The following TTC7B variants were observed in gnomAD, a reference collection of about 807,000 sequenced individuals.
The protein encoded by TTC7B is tetratricopeptide repeat domain 7B.
Under a neutral mutation model 106.8 loss-of-function variants are expected in TTC7B, and 28 were observed. That is an observed-to-expected ratio of 0.26 (90% confidence interval 0.19 to 0.36). TTC7B has a LOEUF of 0.36. Among genes scored for constraint, TTC7B ranks in the 10% least tolerant of loss-of-function variants. The pLI, the probability that TTC7B is intolerant of heterozygous loss-of-function variation, is 1.00. For missense variants in TTC7B, 862 were observed against 1,076.4 expected (o/e 0.80, Z 2.79); for synonymous variants, 405 against 430.6 (o/e 0.94, Z 0.74).
intron 8 of TTC7B, among the ~76,000 whole-genome samples, chr14:90,678,684 C>T (rs1036357556): frequency 2.0e-5 from 3 of 152,178 alleles, no homozygotes; most frequent in East Asian, 1.9e-4. Context: ...ATCTGACTGT[C>T]TCAAAGGGAT....
At chr14:90,598,694 A>C (rs1476266267) in intron 17 of TTC7B, among the ~76,000 whole-genome samples, 3 of 152,360 alleles carry the variant, frequency 2.0e-5, no homozygotes, top group South Asian at 4.1e-4. Context: ...CGGCTAGCTC[A>C]TATTGCCTTT....
chr14:90,647,471 A>G (rs1479313702), intron 13 of TTC7B: 2 of 153,922 alleles, frequency 1.3e-5, no homozygotes, highest in Admixed American at 1.3e-4. Flanking sequence ...ATTTCAGAGA[A>G]ACCATATGAA....
At chr14:90,543,795 C>T (rs1321993377) in intron 19 of TTC7B, among the ~76,000 whole-genome samples, 1 of 152,220 alleles carries the variant, frequency 6.6e-6, no homozygotes, top group African/African-American at 2.4e-5. Context: ...GCCTTGCCCT[C>T]GCTTTAGGCA....
chr14:90,794,320 G>A (rs565743554), intron 1 of TTC7B, among the ~76,000 whole-genome samples: 5 of 145,682 alleles, frequency 3.4e-5, no homozygotes, highest in South Asian at 2.2e-4. Context: ...TCCACCTCCC[G>A]GGTTCAAGTG....
intron 6 of TTC7B, among the ~76,000 whole-genome samples, chr14:90,691,431 G>A (rs1302083332): frequency 2.0e-5 from 3 of 152,132 alleles, no homozygotes; most frequent in Admixed American, 6.5e-5. Context: ...ATTTGGTTAT[G>A]TCCACTGAAA....
At position 90,742,013 on chromosome 14, in the gene TTC7B, A is replaced by G. The variant is rs533192988; in HGVS notation, c.576+2779T>C. ...ACGCTGAGATTTAACCTTAGGCTAA[A>G]GAAGCTGCTTCCCAAATGCTACCAA... On this transcript the variant is annotated intron_variant, in intron 4 of 19. Transcript: ENST00000328459. The surrounding 1 kb of genome is among the most constrained non-coding windows in gnomAD (Gnocchi z 4.1). Among the ~76,000 whole-genome samples, 2 of 152,340 alleles carry G rather than the reference A, an allele frequency of 1.3e-5. No homozygotes were observed. The highest frequency in any genetic ancestry group is 1.3e-4 in the Admixed American group (2 of 15,300).
Position 90,549,667 on chromosome 14 carries a change from G to T in TTC7B, c.2311-8078C>A, listed in dbSNP as rs1011892136. ...GGACAGTGGAGTGTGGAGGTTGGGG[G>T]TGTGAGTCCTAGGCTCACCCCAGCA... On this transcript the variant is annotated intron_variant, in intron 19 of 19. Transcript: ENST00000328459. 2.6e-5 allele frequency among the ~76,000 whole-genome samples: 4 copies of T among 152,164 alleles called. No individual in the cohort carries two copies. In the East Asian group the frequency reaches 5.8e-4, roughly 22 times the overall value.
chr14:90,714,308 G>A (rs74244562), intron 5 of TTC7B, among the ~76,000 whole-genome samples: 21,663 of 152,040 alleles, frequency 0.14, 1,678 homozygotes, highest in East Asian at 0.3. Context: ...TAGAAAAGGC[G>A]AATCTATAGA....
intron 2 of TTC7B, 41 bp downstream of exon 2, chr14:90,786,131 CTG>C (rs1170189415): frequency 6.7e-7 from 1 of 1,501,056 alleles, no homozygotes; most frequent in Non-Finnish European, 8.9e-7. Context: ...CAACCCCACA[CTG>C]TCCAAAGGAA....
intron 2 of TTC7B, among the ~76,000 whole-genome samples, chr14:90,783,208 C>G (rs1313002598): frequency 1.3e-5 from 2 of 152,346 alleles, no homozygotes; most frequent in Admixed American, 1.3e-4. Context: ...GCCAGATGTC[C>G]TGACTCCTAG....
rs145625206 is a variant in TTC7B at position 90,744,220 on chromosome 14, G to A, written c.576+572C>T. Reference sequence around the variant, plus strand: ...ACAGGGGTGGCTGGCCAGCTTCAGGGTGCTGAAGGTATGAACAGATGCACA... The same window carrying A: ...ACAGGGGTGGCTGGCCAGCTTCAGGATGCTGAAGGTATGAACAGATGCACA... On this transcript the variant is annotated intron_variant, in intron 4 of 19. Coordinates refer to ENST00000328459, the MANE Select transcript of TTC7B (RefSeq NM_001010854.2). Among the ~76,000 whole-genome samples the A allele has an allele frequency of 1.3e-3, 196 of 152,336 alleles. 2 individuals are homozygous for A. The highest frequency in any genetic ancestry group is 4.3e-3 in the African/African-American group (179 of 41,558).
At position 90,570,237 on chromosome 14, in the gene TTC7B, C is replaced by A. The variant is rs546374195; in HGVS notation, c.2310+7869G>T. Among the ~76,000 whole-genome samples, 1 of 152,310 alleles carries A rather than the reference C, an allele frequency of 6.6e-6. No individual in the cohort carries two copies. Among genetic ancestry groups the A allele is most frequent in the African/African-American group, 2.4e-5 (1 of 41,576 alleles). ...TGTGCTGGAGTGTTCCATTAATCAG[C>A]CTGACCAAGCCTCGTGATCTCATGT... On this transcript the variant is annotated intron_variant, in intron 19 of 19. Transcript: ENST00000328459. The surrounding 1 kb of genome is among the most constrained non-coding windows in gnomAD (Gnocchi z 4.0).
intron 19 of TTC7B, among the ~76,000 whole-genome samples, chr14:90,553,980 T>C (rs1890196546): frequency 6.6e-6 from 1 of 152,234 alleles, no homozygotes; most frequent in African/African-American, 2.4e-5. Flanking sequence ...AGTAATGGGC[T>C]GTCAGGCAGT....
At chr14:90,729,916 A>C (rs1257715233) in intron 5 of TTC7B, among the ~76,000 whole-genome samples, 159 bp downstream of exon 5, 1 of 141,376 alleles carries the variant, frequency 7.1e-6, no homozygotes, top group Non-Finnish European at 1.5e-5. Flanking sequence ...GAGAAGAGAC[A>C]AAAACAGCCA....
Position 90,673,509 on chromosome 14 carries a change from G to T in TTC7B, c.1152+3014C>A, listed in dbSNP as rs544413028. Among the ~76,000 whole-genome samples the T allele has an allele frequency of 3.4e-3, 513 of 152,322 alleles. 5 individuals carry two copies. The highest frequency in any genetic ancestry group is 6.8e-3 in the Middle Eastern group (2 of 294). ...CATGTCTATTCCTGTGTCTCAGAAA[G>T]ATCGCCCTGCTGACAGTGGAGGAAA... On this transcript the variant is annotated intron_variant, in intron 9 of 19. Coordinates refer to ENST00000328459, the MANE Select transcript of TTC7B (RefSeq NM_001010854.2).
At chr14:90,559,379 G>A (rs1181043004) in intron 19 of TTC7B, among the ~76,000 whole-genome samples, 1 of 152,228 alleles carries the variant, frequency 6.6e-6, no homozygotes. Context: ...ATGCAGTGGC[G>A]GTTCTGTGCC....
intron 19 of TTC7B, among the ~76,000 whole-genome samples, chr14:90,563,553 T>C (rs1307447420): frequency 6.6e-6 from 1 of 152,232 alleles, no homozygotes; most frequent in Admixed American, 6.5e-5. Flanking sequence ...GGGTGGTGGA[T>C]GCTGGAAGGT....
chr14:90,625,327 G>A (rs1040885818), intron 15 of TTC7B, among the ~76,000 whole-genome samples: 2 of 152,172 alleles, frequency 1.3e-5, no homozygotes, highest in Non-Finnish European at 2.9e-5. Context: ...GGATGTCATC[G>A]AATCCATCGA....
intron 9 of TTC7B, among the ~76,000 whole-genome samples, chr14:90,670,578 T>C (rs554865564): frequency 5.9e-5 from 9 of 152,350 alleles, no homozygotes; most frequent in African/African-American, 9.6e-5. Flanking sequence ...TTCTCTGAAC[T>C]ATGCTACCCT....
Sources: allele counts gnomAD v4.1 joint callset (sites outside exome capture counted in the v4.1 genomes callset), GRCh38; gene constraint gnomAD v4.1.1; non-coding constraint Gnocchi (gnomAD v3.1); transcripts MANE v1.5; gene names NCBI Gene and HGNC (gene_info 2026-07-23, HGNC 2026-07-21).